Variants in CCDC154 observed in about 807,000 individuals in gnomAD.
CCDC154 encodes coiled-coil domain containing 154, also known as coiled-coil domain-containing protein 154.
In CCDC154, 91 loss-of-function variants were observed where a neutral mutation model predicts 87.5. The observed-to-expected ratio is 1.04, with a 90% CI of 0.88 to 1.24. CCDC154 has a LOEUF of 1.24. CCDC154 is among the 50% of genes most tolerant of loss of function. CCDC154 has a pLI of 0.00. For synonymous variants in CCDC154, 418 were observed against 400.4 expected, an observed-to-expected ratio of 1.04 and a Z score of -0.52; for missense variants, 903 against 879.2, an observed-to-expected ratio of 1.03 and a Z score of -0.34.
intron 1 of CCDC154, 51 bp downstream of exon 1, chr16:1,444,265 T>C (rs2038589579): frequency 1.5e-6 from 2 of 1,297,080 alleles, no homozygotes; most frequent in African/African-American, 3.0e-5. Flanking sequence ...GTCCCCACCC[T>C]CACACCTGTG....
chr16:1,443,492 G>C lies in CCDC154; in HGVS notation c.414+14C>G. The C allele has an allele frequency of 6.9e-7, 1 of 1,452,360 alleles. No homozygotes were observed. Among genetic ancestry groups the C allele is most frequent in the South Asian group, 1.4e-5 (1 of 69,712 alleles). The allele number at this position is 1,452,360 out of a possible 1,614,324, so 90.0% of individuals were successfully genotyped here. A position where few individuals can be genotyped will look rare whatever the true frequency, so the allele number is the denominator to read the frequency against. On this transcript the variant is annotated intron_variant, in intron 3 of 16. Transcript: ENST00000389176. ...AAAGGGGCAGCTCGACCTGTGGGTG[G>C]GGGAGCCGCTCACCTCCGGCGCCTC...
At chr16:1,440,950 T>TAAAAA (rs35719330) in intron 6 of CCDC154, among the ~76,000 whole-genome samples, 1 of 132,120 alleles carries the variant, frequency 7.6e-6, no homozygotes, top group Non-Finnish European at 1.6e-5. Flanking sequence ...GACTCCGTCT[T>TAAAAA]AAAAAAAAAA....
Position 1,437,952 on chromosome 16 carries a change from G to A in CCDC154, c.1155C>T (p.Leu385=), listed in dbSNP as rs1276909921. ...CCTCCAGAGCCCGGCTCTTCTCTCG[G>A]AGCTGCAGGGGACAGGTGGGCACGG... ...RQEMHGELVL[L]REKSRALEAS... is the part of the protein sequence containing the mutation. The change falls in exon 11 of 17, where the codon CTC becomes CTT. Residue 385 remains leucine, a splice_region_variant and synonymous_variant. Transcript: ENST00000389176. 1.1e-5 allele frequency: 17 copies of A among 1,546,146 alleles called. No homozygotes were observed. Among genetic ancestry groups the A allele is most frequent in the Non-Finnish European group, 1.5e-5 (17 of 1,145,156 alleles).
In CCDC154 at chr16:1,437,801, C is replaced by A. The variant is rs777003100; in HGVS notation, c.1290+16G>T. 1 of 1,522,092 alleles carries A rather than the reference C, an allele frequency of 6.6e-7. No homozygotes were observed. The highest frequency in any genetic ancestry group is 1.2e-5 in the South Asian group (1 of 83,326). The allele number at this position is 1,522,092 out of a possible 1,614,324, so 94.3% of individuals were successfully genotyped here. A position where few individuals can be genotyped will look rare whatever the true frequency, so the allele number is the denominator to read the frequency against. ...TCCCCATAGCCCCGCCTGCCCCCGC[C>A]CGCTGCCTGGCGCACCTCGGACAGC... On this transcript the variant is annotated intron_variant, in intron 11 of 16. Coordinates refer to ENST00000389176, the MANE Select transcript of CCDC154 (RefSeq NM_001143980.3).
At chr16:1,437,773 G>T (rs1209739528) in intron 11 of CCDC154, 44 bp downstream of exon 11, 2 of 1,496,698 alleles carry the variant, frequency 1.3e-6, no homozygotes, top group African/African-American at 2.8e-5. Context: ...GAGGGGTGGG[G>T]ACTCCCCATA....
In CCDC154 at chr16:1,442,754, C is replaced by T. The variant is rs367554190; in HGVS notation, c.551+126G>A. On this transcript the variant is annotated intron_variant, in intron 5 of 16. Transcript: ENST00000389176. ...CCCAGGCTTCCCAGCACGCTTGGCACCGAGGGCGGTGCCCCGCCGGGTTAC... is the reference window on the plus strand; with the variant it reads ...CCCAGGCTTCCCAGCACGCTTGGCATCGAGGGCGGTGCCCCGCCGGGTTAC... 15 of 1,118,454 alleles carry T rather than the reference C, an allele frequency of 1.3e-5. No individual in the cohort carries two copies. The East Asian group carries it at 3.9e-4, about 29-fold the overall frequency. 69.3% of individuals were successfully genotyped at this position (1,118,454 alleles called of 1,614,324 possible). A position where few individuals can be genotyped will look rare whatever the true frequency, so the allele number is the denominator to read the frequency against.
In CCDC154 at chr16:1,443,492, G is replaced by T. The variant is rs559337914; in HGVS notation, c.414+14C>A. 3.0e-4 allele frequency: 437 copies of T among 1,452,358 alleles called. 2 individuals carry two copies. In the African/African-American group the frequency reaches 5.6e-3, roughly 18 times the overall value. The allele number at this position is 1,452,358 out of a possible 1,614,324, so 90.0% of individuals were successfully genotyped here. A position where few individuals can be genotyped will look rare whatever the true frequency, so the allele number is the denominator to read the frequency against. On this transcript the variant is annotated intron_variant, in intron 3 of 16. Coordinates refer to ENST00000389176, the MANE Select transcript of CCDC154 (RefSeq NM_001143980.3). The stretch of plus-strand genomic sequence containing the variant: ...AAAGGGGCAGCTCGACCTGTGGGTG[G>T]GGGAGCCGCTCACCTCCGGCGCCTC...
intron 6 of CCDC154, among the ~76,000 whole-genome samples, chr16:1,441,291 C>T (rs2038549967): frequency 6.6e-6 from 1 of 152,256 alleles, no homozygotes; most frequent in South Asian, 2.1e-4. Flanking sequence ...CACTCAGTAA[C>T]TTCCTGAAGG....
chr16:1,441,437 TGTG>T (rs1323917931), intron 6 of CCDC154, among the ~76,000 whole-genome samples: 1 of 152,156 alleles, frequency 6.6e-6, no homozygotes, highest in Non-Finnish European at 1.5e-5. Flanking sequence ...GGTCTCTATT[TGTG>T]GAGCTCAGAC....
Position 1,443,224 on chromosome 16 carries a change from CGCCCT to C in CCDC154, c.455+32_455+36del. The C allele has an allele frequency of 1.9e-6, 3 of 1,544,106 alleles. No homozygotes were observed. In the South Asian group the frequency reaches 3.6e-5, roughly 18 times the overall value. On this transcript the variant is annotated intron_variant, in intron 4 of 16. Transcript: ENST00000389176. ...CGCTGCTTTCTCGCCACCACCTCCC[CGCCCT>C]GGGCCTGTGCCCCTAGGTGTGTGGG...
intron 6 of CCDC154, 45 bp from the exon 7 acceptor site, chr16:1,439,171 C>A (rs1237467603): frequency 6.7e-7 from 1 of 1,494,766 alleles, no homozygotes; most frequent in Non-Finnish European, 9.1e-7. Context: ...CTGCTGGACA[C>A]GCAGCCGGTC....
At position 1,438,893 on chromosome 16, in the gene CCDC154, C is replaced by G; in HGVS notation, c.828G>C (p.Arg276=). 1.3e-6 allele frequency: 2 copies of G among 1,549,664 alleles called. No individual in the cohort carries two copies. Among genetic ancestry groups the G allele is most frequent in the Non-Finnish European group, 1.7e-6 (2 of 1,146,712 alleles). ...TCTCCCACCGGCTCTCCAGCTCGCC[C>G]CGCAGGCTGCCCTCCAGCTTCAGCC... ...SSRLKLEGSL[R]GELESRWEKL... Residue 276 remains arginine (R), a synonymous_variant, in exon 8 of 17, where the codon CGG becomes CGC. Coordinates refer to ENST00000389176, the MANE Select transcript of CCDC154 (RefSeq NM_001143980.3).
At chr16:1,434,982 A>G in intron 15 of CCDC154, 107 bp downstream of exon 15, 1 of 1,420,844 alleles carries the variant, frequency 7.0e-7, no homozygotes. Flanking sequence ...ATGGCCAGAC[A>G]CTTGGACAGA....
At chr16:1,435,039 G>A in intron 15 of CCDC154, 50 bp downstream of exon 15, 1 of 1,518,970 alleles carries the variant, frequency 6.6e-7, no homozygotes. Flanking sequence ...CGGCAGGGCT[G>A]AGGGAGCGGG....
At chr16:1,439,330 G>A (rs1441049042) in intron 6 of CCDC154, 3 of 591,204 alleles carry the variant, frequency 5.1e-6, no homozygotes, top group African/African-American at 1.9e-5. Context: ...ACCAGGCATG[G>A]GTTTGTGAAG....
Position 1,443,597 on chromosome 16 carries a change from C to CTGCAGCT in CCDC154, c.322_323insAGCTGCA (p.Arg108GlnfsTer197), listed in dbSNP as rs1291214722. 3 of 1,448,838 alleles carry CTGCAGCT rather than the reference C, an allele frequency of 2.1e-6. No homozygotes were observed. Among genetic ancestry groups the CTGCAGCT allele is most frequent in the Non-Finnish European group, 2.7e-6 (3 of 1,096,430 alleles). 89.7% of individuals were successfully genotyped at this position (1,448,838 alleles called of 1,614,324 possible). Reference sequence around the variant, plus strand: ...TGAGCCCTGCAGCTGCACGCGGGCCCGCACCTGGAGCAGCTCCCGCAGCAG... The same window carrying CTGCAGCT: ...TGAGCCCTGCAGCTGCACGCGGGCCCTGCAGCTGCACCTGGAGCAGCTCCCGCAGCAG... On this transcript the variant is annotated frameshift_variant, in exon 3 of 17. Coordinates refer to ENST00000389176, the MANE Select transcript of CCDC154 (RefSeq NM_001143980.3). LOFTEE classifies it high-confidence loss of function.
intron 6 of CCDC154, 173 bp from the exon 7 acceptor site, chr16:1,439,299 C>T: frequency 1.6e-6 from 1 of 622,832 alleles, no homozygotes; most frequent in Non-Finnish European, 2.8e-6. Context: ...CGGGCAGGAC[C>T]ACTCTGTACC....
At chr16:1,440,304 G>T (rs2038539231) in intron 6 of CCDC154, among the ~76,000 whole-genome samples, 2 of 151,760 alleles carry the variant, frequency 1.3e-5, no homozygotes, top group African/African-American at 4.8e-5. Context: ...AAAAAATTTA[G>T]CTGGGCATGG....
chr16:1,442,522 T>C lies in CCDC154; in HGVS notation c.559A>G (p.Lys187Glu), dbSNP rs1161830255. Residue 187 changes from lysine (K) to glutamate (E), a missense_variant, in exon 6 of 17, where the codon AAG (lysine) becomes GAG (glutamate). Lys to Glu is a moderately conservative substitution (Grantham distance 56, BLOSUM62 1). Transcript: ENST00000389176. Reference protein sequence around the residue: ...AEQEAGLRLAKLTDLLQQEEQ... With the variant: ...AEQEAGLRLAELTDLLQQEEQ... ...TCCTGCTGCAGCAAGTCGGTCAGCT[T>C]GGCCAGTCTAGAGAAGTCGGCTGTG... The C allele has an allele frequency of 1.3e-6, 2 of 1,544,536 alleles. No individual in the cohort carries two copies. Among genetic ancestry groups the C allele is most frequent in the Non-Finnish European group, 1.7e-6 (2 of 1,144,170 alleles).
Sources: allele counts gnomAD v4.1 joint callset (sites outside exome capture counted in the v4.1 genomes callset), GRCh38; gene constraint gnomAD v4.1.1; transcripts MANE v1.5; gene names NCBI Gene and HGNC (gene_info 2026-07-23, HGNC 2026-07-21).